RIPOR2: variants seen among roughly 807,000 people sequenced by gnomAD.
RIPOR2 encodes the protein rho family-interacting cell polarization regulator 2.
Under a neutral mutation model 114.5 loss-of-function variants are expected in RIPOR2, and 39 were observed. The ratio of observed to expected loss-of-function variants is 0.34; its 90% confidence interval spans 0.26 to 0.44. The LOEUF (loss-of-function observed/expected upper bound fraction) is 0.44. Among genes scored for constraint, RIPOR2 ranks in the 20% least tolerant of loss-of-function variants. The pLI is 1.00. For synonymous variants in RIPOR2, 445 were observed against 484.4 expected (o/e 0.92, Z 1.07); for missense variants, 1,007 against 1,255.1 (o/e 0.80, Z 2.99).
intron 18 of RIPOR2, among the ~76,000 whole-genome samples, chr6:24,827,643 T>A (rs375693644): frequency 3.3e-5 from 5 of 152,340 alleles, no homozygotes; most frequent in African/African-American, 1.2e-4. Flanking sequence ...ACCAGCTTCA[T>A]TGCTGCATGC....
At position 24,869,126 on chromosome 6, in the gene RIPOR2, A is replaced by G. The variant is rs1229378433; in HGVS notation, c.469T>C (p.Tyr157His). 1 of 1,584,716 alleles carries G rather than the reference A, an allele frequency of 6.3e-7. No individual in the cohort carries two copies. Among genetic ancestry groups the G allele is most frequent in the Non-Finnish European group, 8.6e-7 (1 of 1,158,860 alleles). ...LDKQIKTIER[Y>H]MRRLEFHISK... ...ATATGAAACTCCAGGCGTCTCATGT[A>G]TCTTTCAATTGTTTTAATTTGCTGG... The change falls in exon 6 of 22, where the codon TAC (tyrosine) becomes CAC (histidine). Residue 157 changes from tyrosine to histidine, a missense_variant. Coordinates refer to ENST00000643898, the MANE Select transcript of RIPOR2 (RefSeq NM_001286445.3).
chr6:24,832,334 A>G lies in RIPOR2; in HGVS notation c.2266T>C (p.Ser756Pro), dbSNP rs1231105794. The stretch of plus-strand genomic sequence containing the variant: ...TTCTCCATCACTTGGATCTGCCTAG[A>G]AAGCTTCTCTAAGAGACTTCTTGCC... ...FVARSLLEKLSRQIQVMEKLA... is the reference protein window; with the variant it reads ...FVARSLLEKLPRQIQVMEKLA... Residue 756 changes from serine (S) to proline (P), a missense_variant, in exon 16 of 22, where the codon TCT becomes CCT. Ser to Pro is a moderately conservative substitution (Grantham distance 74). Transcript: ENST00000643898. 8 of 1,551,916 alleles carry G rather than the reference A, an allele frequency of 5.2e-6. No homozygotes were observed. The highest frequency in any genetic ancestry group is 2.4e-5 in the East Asian group (1 of 40,936).
At chr6:24,826,966 T>A (rs183390601) in intron 18 of RIPOR2, among the ~76,000 whole-genome samples, 1 of 152,204 alleles carries the variant, frequency 6.6e-6, no homozygotes, top group Non-Finnish European at 1.5e-5. Context: ...CTTAAAATGT[T>A]AAAGGTTTTT....
chr6:24,869,737 A>T (rs1764974579), intron 5 of RIPOR2, among the ~76,000 whole-genome samples: 1 of 152,228 alleles, frequency 6.6e-6, no homozygotes, highest in Non-Finnish European at 1.5e-5. Flanking sequence ...TTAGATTCTG[A>T]CAGAACAGTA....
chr6:24,885,217 G>T lies in RIPOR2; in HGVS notation c.62-9400C>A, dbSNP rs545825212. Among the ~76,000 whole-genome samples the T allele has an allele frequency of 1.9e-4, 29 of 152,134 alleles. No individual in the cohort carries two copies. The East Asian group carries it at 3.1e-3, about 16-fold the overall frequency. On this transcript the variant is annotated intron_variant, in intron 1 of 21. Transcript: ENST00000643898. ...AATTTGAAGTGGTACCTATTTCTGG[G>T]TTTTTTTGTTTTTTTGAGACAGAGT...
At chr6:24,923,254 C>T (rs1162830842) in intron 1 of RIPOR2, among the ~76,000 whole-genome samples, 6 of 152,186 alleles carry the variant, frequency 3.9e-5, no homozygotes, top group African/African-American at 1.4e-4. Context: ...TGTGTATATA[C>T]TGTACTACAT....
chr6:24,870,454 AG>A (rs1765045987), intron 5 of RIPOR2, among the ~76,000 whole-genome samples: 1 of 152,228 alleles, frequency 6.6e-6, no homozygotes, highest in Non-Finnish European at 1.5e-5. Context: ...TTAGTTCTCT[AG>A]GATTTTACTG....
intron 1 of RIPOR2, among the ~76,000 whole-genome samples, chr6:24,894,688 C>A (rs1767684050): frequency 2.0e-5 from 3 of 152,212 alleles, no homozygotes; most frequent in African/African-American, 4.8e-5. Flanking sequence ...GTTTTACTTT[C>A]ATATCCCATA....
chr6:24,913,242 A>G (rs1769813240), intron 1 of RIPOR2, among the ~76,000 whole-genome samples: 1 of 152,132 alleles, frequency 6.6e-6, no homozygotes, highest in Non-Finnish European at 1.5e-5. Flanking sequence ...TGCTGCCTTT[A>G]GAGATTCCAT....
chr6:24,851,442 T>C (rs1762903796), intron 9 of RIPOR2, among the ~76,000 whole-genome samples: 1 of 152,144 alleles, frequency 6.6e-6, no homozygotes, highest in Admixed American at 6.5e-5. Context: ...GATAGAGAGA[T>C]GGAGCTGGCA....
At chr6:25,000,224 G>A (rs73729585) in intron 1 of RIPOR2, among the ~76,000 whole-genome samples, 1,633 of 152,228 alleles carry the variant, frequency 0.011, 34 homozygotes, top group African/African-American at 0.036. Flanking sequence ...GCTTCCTCCA[G>A]GAACCCTTTC....
chr6:24,966,090 C>A (rs948931819), intron 1 of RIPOR2, among the ~76,000 whole-genome samples: 1 of 152,138 alleles, frequency 6.6e-6, no homozygotes, highest in African/African-American at 2.4e-5. Context: ...GATATATAAT[C>A]TTTTTCCTCC....
chr6:24,961,548 T>C (rs1391945657), intron 1 of RIPOR2, among the ~76,000 whole-genome samples: 1 of 152,124 alleles, frequency 6.6e-6, no homozygotes, highest in Non-Finnish European at 1.5e-5. Flanking sequence ...GGGTGGCTGC[T>C]GTCATAGGCA....
chr6:24,974,126 G>GT (rs1303715493), intron 1 of RIPOR2, among the ~76,000 whole-genome samples: 18 of 152,220 alleles, frequency 1.2e-4, no homozygotes, highest in African/African-American at 4.1e-4. Flanking sequence ...GCTCATGCCT[G>GT]TAATCCCAGC....
In RIPOR2 at chr6:24,974,189, G is replaced by A. The variant is rs558305243; in HGVS notation, c.76+67662C>T. On this transcript the variant is annotated intron_variant, in intron 1 of 13. Coordinates refer to the RIPOR2 transcript ENST00000510784. ...GTTTGAGCCCAGGAGTTAGAGACCA[G>A]CCTGGGTAACATAGTGAGACCTCCT... 2.0e-5 allele frequency among the ~76,000 whole-genome samples: 3 copies of A among 152,232 alleles called. No homozygotes were observed. In the East Asian group the frequency reaches 5.8e-4, roughly 29 times the overall value.
At chr6:24,865,025 G>A (rs754102075) in intron 7 of RIPOR2, among the ~76,000 whole-genome samples, 4 of 152,158 alleles carry the variant, frequency 2.6e-5, no homozygotes, top group Non-Finnish European at 4.4e-5. Context: ...GTAGCTCACC[G>A]CAGCCTTGAA....
chr6:24,881,902 G>A (rs1235581528), intron 1 of RIPOR2, among the ~76,000 whole-genome samples: 2 of 152,216 alleles, frequency 1.3e-5, no homozygotes, highest in Non-Finnish European at 2.9e-5. Flanking sequence ...CACCCATCAG[G>A]TCTCAGGCTC....
intron 3 of RIPOR2, 27 bp from the exon 4 acceptor site, chr6:24,872,986 G>A (rs369415655): frequency 1.5e-5 from 22 of 1,488,546 alleles, no homozygotes; most frequent in African/African-American, 4.1e-5. Context: ...AGATGTAATC[G>A]TAATCTCTGC....
intron 1 of RIPOR2, among the ~76,000 whole-genome samples, chr6:25,029,258 A>C (rs1470378035): frequency 6.6e-6 from 1 of 151,880 alleles, no homozygotes; most frequent in African/African-American, 2.4e-5. Context: ...ACTGCACTCC[A>C]GCCTGGCGAC....
Sources: gnomAD v4.1 joint callset for allele counts (sites outside exome capture counted in the v4.1 genomes callset) on GRCh38, gnomAD v4.1.1 for gene constraint, MANE v1.5 for transcripts, NCBI Gene and HGNC (gene_info 2026-07-23, HGNC 2026-07-21) for gene names.